The following MTHFSD variants were observed in gnomAD, a reference collection of about 807,000 sequenced individuals.
MTHFSD encodes the protein methenyltetrahydrofolate synthase domain-containing protein.
A neutral mutation model predicts 31.1 loss-of-function variants in MTHFSD; 37 were observed. The observed-to-expected ratio is 1.19, with a 90% CI of 0.91 to 1.56. The LOEUF (loss-of-function observed/expected upper bound fraction) is 1.56, where lower values mean the gene tolerates loss of function less well. MTHFSD is among the 40% of genes most tolerant of loss of function. The pLI, the probability that MTHFSD is intolerant of heterozygous loss-of-function variation, is 0.00. For synonymous variants in MTHFSD, 221 were observed against 206.9 expected (o/e 1.07, Z -0.59); for missense variants, 664 against 510.1 (o/e 1.30, Z -2.91).
At chr16:86,543,717 T>C (rs1456541434) in intron 5 of MTHFSD, among the ~76,000 whole-genome samples, 1 of 152,108 alleles carries the variant, frequency 6.6e-6, no homozygotes, top group Non-Finnish European at 1.5e-5. Context: ...CTAAAAACTA[T>C]AAGACAGGGG....
At chr16:86,546,302 C>G (rs1007868268) in intron 5 of MTHFSD, among the ~76,000 whole-genome samples, 2 of 152,352 alleles carry the variant, frequency 1.3e-5, no homozygotes, top group East Asian at 3.9e-4. Context: ...AAACCTTTCA[C>G]CACCTGAACA....
At position 86,542,808 on chromosome 16, in the gene MTHFSD, G is replaced by A. The variant is rs57169835; in HGVS notation, c.443-595C>T. Among the ~76,000 whole-genome samples the A allele has an allele frequency of 0.026, 3,968 of 152,290 alleles. 169 individuals carry two copies. The highest frequency in any genetic ancestry group is 0.09 in the African/African-American group (3,745 of 41,546). ...CTAAAAGAGTAGCTAAGATGAAATC[G>A]AGGTTTAACAGCCTCTCTAGCCAAA... On this transcript the variant is annotated intron_variant, in intron 5 of 7. Coordinates refer to ENST00000360900, the MANE Select transcript of MTHFSD (RefSeq NM_001159377.2). The surrounding 1 kb of genome is among the most constrained non-coding windows in gnomAD (Gnocchi z 4.6).
rs1274565463 is a variant in MTHFSD, at chr16:86,542,229, G to A, written c.443-16C>T. 12 of 1,606,098 alleles carry A rather than the reference G, an allele frequency of 7.5e-6. No individual in the cohort carries two copies. In the Admixed American group the frequency reaches 1.5e-4, roughly 20 times the overall value. On this transcript the variant is annotated splice_polypyrimidine_tract_variant and intron_variant, in intron 5 of 7. Coordinates refer to ENST00000360900, the MANE Select transcript of MTHFSD (RefSeq NM_001159377.2). This position sits in a 1 kb window ranked among gnomAD's most constrained non-coding sequence, Gnocchi z 4.6. ...ATTCTCCAGCCTAAGAGACAACCGA[G>A]AATCAGTATCGCTGTGCGGTCCGGG...
At chr16:86,535,586 A>G in intron 7 of MTHFSD, 3 of 823,636 alleles carry the variant, frequency 3.6e-6, no homozygotes, top group Non-Finnish European at 4.3e-6. Flanking sequence ...TTTATAACTA[A>G]TTCTATTCTA....
At chr16:86,545,351 CAT>C (rs1972138759) in intron 5 of MTHFSD, among the ~76,000 whole-genome samples, 1 of 152,184 alleles carries the variant, frequency 6.6e-6, no homozygotes, top group African/African-American at 2.4e-5. Flanking sequence ...TAAGCAGACA[CAT>C]GGTTACTTTA....
At chr16:86,547,792 T>C (rs2247089) in intron 4 of MTHFSD, among the ~76,000 whole-genome samples, 34,466 of 152,128 alleles carry the variant, frequency 0.23, 4,453 homozygotes, top group East Asian at 0.38. Flanking sequence ...TAGGCTTAAG[T>C]GGCAAATCCC....
At chr16:86,540,173 T>C (rs902020516) in intron 7 of MTHFSD, among the ~76,000 whole-genome samples, 5 of 152,142 alleles carry the variant, frequency 3.3e-5, no homozygotes, top group African/African-American at 1.2e-4. Context: ...CCTCTGACCA[T>C]GCAAAGGGAT....
chr16:86,552,409 A>C (rs1402444708), intron 2 of MTHFSD: 3 of 816,320 alleles, frequency 3.7e-6, no homozygotes, highest in Non-Finnish European at 5.6e-6. Flanking sequence ...ACCCAAAGAA[A>C]CATCTAAGGA....
rs1969951332 is a variant in MTHFSD, at chr16:86,531,048, T to A, written c.*963A>T. On this transcript the variant is annotated 3_prime_UTR_variant, in exon 8 of 8. Coordinates refer to ENST00000360900, the MANE Select transcript of MTHFSD (RefSeq NM_001159377.2). The surrounding 1 kb of genome is among the most constrained non-coding windows in gnomAD (Gnocchi z 5.5). ...GTGCACGGGCCGCCCTCTCGAGGCA[T>A]CGTAATGTGCTTCAAAGAACACTTG... 1 of 152,158 alleles carries A rather than the reference T, an allele frequency of 6.6e-6. No homozygotes were observed. Among genetic ancestry groups the A allele is most frequent in the South Asian group, 2.1e-4 (1 of 4,822 alleles). 9.4% of individuals were successfully genotyped at this position (152,158 alleles called of 1,614,324 possible).
At chr16:86,545,840 T>A (rs1381541255) in intron 5 of MTHFSD, among the ~76,000 whole-genome samples, 1 of 152,018 alleles carries the variant, frequency 6.6e-6, no homozygotes, top group Non-Finnish European at 1.5e-5. Context: ...CGCTCCTGAG[T>A]CCCCAGCCCC....
At position 86,532,115 on chromosome 16, in the gene MTHFSD, G is replaced by C; in HGVS notation, c.1048C>G (p.Pro350Ala). 9 of 1,548,374 alleles carry C rather than the reference G, an allele frequency of 5.8e-6. No homozygotes were observed. Among genetic ancestry groups the C allele is most frequent in the South Asian group, 1.2e-5 (1 of 82,126 alleles). Residue 350 changes from proline (P) to alanine (A), a missense_variant, in exon 8 of 8, where the codon CCG becomes GCG. By Grantham distance (27) the Pro-to-Ala change is conservative (BLOSUM62 -1). Coordinates refer to ENST00000360900, the MANE Select transcript of MTHFSD (RefSeq NM_001159377.2). ...GPRRRAFLHYPDSAAAQQAVS... is the reference protein window; with the variant it reads ...GPRRRAFLHYADSAAAQQAVS... ...GCCTGCTGGGCTGCGGCAGAGTCCG[G>C]GTAATGGAGGAAGGCTCTGCGCCGC...
chr16:86,549,523 G>A (rs1326613372), intron 3 of MTHFSD, among the ~76,000 whole-genome samples: 1 of 152,224 alleles, frequency 6.6e-6, no homozygotes, highest in Non-Finnish European at 1.5e-5. Flanking sequence ...TGCTTTTCTG[G>A]GAGTGGTGGA....
rs570321530 is a variant in MTHFSD, at chr16:86,554,509, G to A, written c.123+136C>T. 2.2e-5 allele frequency: 16 copies of A among 712,916 alleles called. 1 individual carries two copies. In the South Asian group the frequency reaches 2.6e-4, roughly 11 times the overall value. The allele number at this position is 712,916 out of a possible 1,614,324, so 44.2% of individuals were successfully genotyped here. A position where few individuals can be genotyped will look rare whatever the true frequency, so the allele number is the denominator to read the frequency against. On this transcript the variant is annotated intron_variant, in intron 2 of 7. Coordinates refer to ENST00000360900, the MANE Select transcript of MTHFSD (RefSeq NM_001159377.2). ...ATGCTAAGGACGCCCTGGCCAAATG[G>A]CTTTGATTTCACACCACTGCTCACT...
Position 86,554,669 on chromosome 16 carries a change from A to T in MTHFSD, c.99T>A (p.Val33=). 1 of 1,614,176 alleles carries T rather than the reference A, an allele frequency of 6.2e-7. No homozygotes were observed. Among genetic ancestry groups the T allele is most frequent in the Non-Finnish European group, 8.5e-7 (1 of 1,179,990 alleles). ...SQNLADFPRP[V]HHRIPNFKGS... ...CCTTAAAGTTGGGTATCCTGTGATG[A>T]ACAGGTCGGGGAAAGTCAGCTAAAT... The change falls in exon 2 of 8, where the codon GTT becomes GTA. Residue 33 remains valine, a synonymous_variant. Transcript: ENST00000360900.
chr16:86,545,142 G>T lies in MTHFSD; in HGVS notation c.442+1417C>A, dbSNP rs143351462. On this transcript the variant is annotated intron_variant, in intron 5 of 7. Transcript: ENST00000360900. The stretch of plus-strand genomic sequence containing the variant: ...CTTAGGTGATGGGTTGGTAGGTGCA[G>T]CAAATCACCATGGAACACGTTTACC... 2.4e-3 allele frequency among the ~76,000 whole-genome samples: 368 copies of T among 152,200 alleles called. 1 individual carries two copies. The highest frequency in any genetic ancestry group is 5.3e-3 in the Admixed American group (81 of 15,302).
intron 4 of MTHFSD, chr16:86,547,424 C>A: frequency 1.0e-6 from 1 of 985,770 alleles, no homozygotes; most frequent in South Asian, 4.7e-5. Context: ...AGTGCTATGA[C>A]AAGTTCCGTA....
In MTHFSD at chr16:86,548,133, AG is replaced by A. The variant is rs749986695; in HGVS notation, c.351+330del. The A allele has an allele frequency of 5.6e-5, 73 of 1,301,674 alleles. No homozygotes were observed. In the East Asian group the frequency reaches 3.3e-3, roughly 58 times the overall value. 80.6% of individuals were successfully genotyped at this position (1,301,674 alleles called of 1,614,324 possible). On this transcript the variant is annotated intron_variant, in intron 4 of 7. Coordinates refer to ENST00000360900, the MANE Select transcript of MTHFSD (RefSeq NM_001159377.2). ...GCACCTGATGAACAGGCCGGGAATA[AG>A]AAAAAGCTCCACAATACTGAACATC...
At chr16:86,532,623 T>C in intron 7 of MTHFSD, 142 bp from the exon 8 acceptor site, 1 of 517,888 alleles carries the variant, frequency 1.9e-6, no homozygotes, top group Non-Finnish European at 3.2e-6. Context: ...GACATGGGAC[T>C]CCCACTGTCC....
intron 7 of MTHFSD, chr16:86,541,240 T>G: frequency 7.8e-7 from 1 of 1,287,718 alleles, no homozygotes; most frequent in Non-Finnish European, 1.0e-6. Context: ...TACAAAGGCT[T>G]GGTACTGCCT....
Sources: allele counts gnomAD v4.1 joint callset (sites outside exome capture counted in the v4.1 genomes callset), GRCh38; gene constraint gnomAD v4.1.1; non-coding constraint Gnocchi (gnomAD v3.1); transcripts MANE v1.5; gene names NCBI Gene and HGNC (gene_info 2026-07-23, HGNC 2026-07-21).